The following CEP128 variants were observed in gnomAD, a reference collection of about 807,000 sequenced individuals.
CEP128 encodes centrosomal protein 128kDa.
A neutral mutation model predicts 156.7 loss-of-function variants in CEP128; 132 were observed. The ratio of observed to expected loss-of-function variants is 0.84; its 90% CI spans 0.73 to 0.97. The LOEUF (loss-of-function observed/expected upper bound fraction) is 0.97, where lower values mean the gene tolerates loss of function less well. Ranked by LOEUF, CEP128 falls within the 50% of genes least tolerant of loss-of-function variation. CEP128 has a pLI of 0.00. For missense variants in CEP128, 1,252 were observed against 1,281.9 expected, an observed-to-expected ratio of 0.98 and a Z score of 0.36; for synonymous variants, 469 against 448.9, an observed-to-expected ratio of 1.04 and a Z score of -0.57.
At position 80,663,497 on chromosome 14, in the gene CEP128, T is replaced by C. The variant is rs556494858; in HGVS notation, c.2806+79578A>G. On this transcript the variant is annotated intron_variant, in intron 19 of 24. Transcript: ENST00000555265. ...TGCCAGATAGGATATAAAATGACCC[T>C]AGATCTGATAATTTGCTATTTTCCA... 2.8e-3 allele frequency among the ~76,000 whole-genome samples: 419 copies of C among 152,312 alleles called. 1 individual carries two copies. Among genetic ancestry groups the C allele is most frequent in the Middle Eastern group, 6.8e-3 (2 of 294 alleles).
intron 19 of CEP128, among the ~76,000 whole-genome samples, chr14:80,618,592 G>T (rs1893330097): frequency 6.6e-6 from 1 of 152,198 alleles, no homozygotes; most frequent in Non-Finnish European, 1.5e-5. Context: ...ATGGAAACAG[G>T]ACTGGGGAAG....
intron 24 of CEP128, among the ~76,000 whole-genome samples, chr14:80,497,821 A>G (rs4903917): frequency 0.78 from 119,227 of 152,200 alleles, 49,075 homozygotes; most frequent in Middle Eastern, 0.9. Context: ...AGAGTAAAAA[A>G]TGTGTGCTTC....
intron 21 of CEP128, among the ~76,000 whole-genome samples, chr14:80,557,449 G>A (rs1295536605): frequency 2.0e-5 from 3 of 152,026 alleles, no homozygotes; most frequent in South Asian, 2.1e-4. Context: ...TTGCATAAGC[G>A]GCATTTTGTA....
intron 19 of CEP128, among the ~76,000 whole-genome samples, chr14:80,615,898 A>G (rs1422884019): frequency 6.6e-6 from 1 of 151,570 alleles, no homozygotes; most frequent in African/African-American, 2.4e-5. Flanking sequence ...TAAATAAGTG[A>G]CAGCAGCAGA....
At position 80,630,389 on chromosome 14, in the gene CEP128, T is replaced by C. The variant is rs113557540; in HGVS notation, c.2807-49966A>G. Among the ~76,000 whole-genome samples, 809 of 152,122 alleles carry C rather than the reference T, an allele frequency of 5.3e-3. 5 individuals carry two copies. The highest frequency in any genetic ancestry group is 0.018 in the African/African-American group (755 of 41,554). ...AGTAGTATGATGATGTGGCATAATA[T>C]TTCATATTTAAAATTTTATAGGCAT... On this transcript the variant is annotated intron_variant, in intron 19 of 24. Transcript: ENST00000555265.
At chr14:80,674,603 A>C (rs1284471596) in intron 19 of CEP128, among the ~76,000 whole-genome samples, 2 of 152,194 alleles carry the variant, frequency 1.3e-5, no homozygotes, top group East Asian at 1.9e-4. Context: ...GTCTTAAATG[A>C]AGAAAAATGT....
intron 7 of CEP128, among the ~76,000 whole-genome samples, chr14:80,896,317 G>A (rs568510999): frequency 5.9e-5 from 9 of 152,028 alleles, no homozygotes; most frequent in Non-Finnish European, 7.4e-5. Context: ...CAAACAAATC[G>A]TACAGAAAGA....
chr14:80,700,563 T>A (rs73336511), intron 19 of CEP128, among the ~76,000 whole-genome samples: 3,103 of 152,266 alleles, frequency 0.02, 102 homozygotes, highest in African/African-American at 0.07. Flanking sequence ...CCATATATGT[T>A]ATGCTTAAAT....
chr14:80,509,508 TG>T (rs1888144955), intron 23 of CEP128, among the ~76,000 whole-genome samples: 1 of 152,214 alleles, frequency 6.6e-6, no homozygotes, highest in Admixed American at 6.5e-5. Flanking sequence ...CCTATGGAGT[TG>T]TTTGAGTTCC....
intron 19 of CEP128, among the ~76,000 whole-genome samples, chr14:80,629,445 C>T (rs939545289): frequency 6.6e-6 from 1 of 151,730 alleles, no homozygotes; most frequent in South Asian, 2.1e-4. Flanking sequence ...ATGAAAATGA[C>T]AAAAAGTTCC....
intron 6 of CEP128, among the ~76,000 whole-genome samples, chr14:80,903,870 G>A (rs192011854): frequency 1.9e-4 from 29 of 152,044 alleles, no homozygotes; most frequent in Non-Finnish European, 3.7e-4. Flanking sequence ...ATGAAGGAAA[G>A]GGACCCCTTG....
intron 19 of CEP128, among the ~76,000 whole-genome samples, chr14:80,609,007 G>A (rs1289159739): frequency 1.3e-5 from 2 of 152,140 alleles, no homozygotes; most frequent in African/African-American, 4.8e-5. Flanking sequence ...TATTAAAAAT[G>A]TATATTGAAG....
At position 80,805,704 on chromosome 14, in the gene CEP128, T is replaced by C. The variant is rs562859591; in HGVS notation, c.1210-12594A>G. Among the ~76,000 whole-genome samples the C allele has an allele frequency of 2.6e-5, 4 of 152,312 alleles. No homozygotes were observed. In the East Asian group the frequency reaches 7.7e-4, roughly 29 times the overall value. ...ATTTCAGTATAATTTGAGTGTTTCA[T>C]GAACTGATACTGAGAGCACAAGTAA... On this transcript the variant is annotated intron_variant, in intron 13 of 24. Coordinates refer to ENST00000555265, the MANE Select transcript of CEP128 (RefSeq NM_152446.5).
intron 19 of CEP128, among the ~76,000 whole-genome samples, chr14:80,640,093 G>C (rs1285435155): frequency 6.6e-6 from 1 of 152,020 alleles, no homozygotes; most frequent in African/African-American, 2.4e-5. Flanking sequence ...TTCAGTAATG[G>C]AACTTATTGT....
At chr14:80,676,059 T>C (rs892406902) in intron 19 of CEP128, among the ~76,000 whole-genome samples, 16 of 152,164 alleles carry the variant, frequency 1.1e-4, no homozygotes, top group Non-Finnish European at 1.6e-4. Flanking sequence ...CTAAATATTT[T>C]AGAACCAGTG....
At chr14:80,676,292 A>G (rs1313987437) in intron 19 of CEP128, among the ~76,000 whole-genome samples, 2 of 152,068 alleles carry the variant, frequency 1.3e-5, no homozygotes, top group African/African-American at 2.4e-5. Flanking sequence ...AATACCTTCC[A>G]TGGTACTTTA....
At chr14:80,694,333 A>G (rs1896816579) in intron 19 of CEP128, among the ~76,000 whole-genome samples, 2 of 152,176 alleles carry the variant, frequency 1.3e-5, no homozygotes, top group Non-Finnish European at 2.9e-5. Flanking sequence ...TTTGTGGAGG[A>G]CAGTGTGGCA....
At chr14:80,615,949 G>A (rs1241810437) in intron 19 of CEP128, among the ~76,000 whole-genome samples, 4 of 152,178 alleles carry the variant, frequency 2.6e-5, no homozygotes, top group Admixed American at 1.3e-4. Flanking sequence ...AGATTGTCTC[G>A]ATTTATATCA....
intron 15 of CEP128, among the ~76,000 whole-genome samples, chr14:80,784,203 T>C (rs900251518): frequency 1.3e-5 from 2 of 150,984 alleles, no homozygotes; most frequent in African/African-American, 4.9e-5. Flanking sequence ...AAAATCCCTA[T>C]CCTCAGAGAG....
Sources: gnomAD v4.1 joint callset for allele counts (sites outside exome capture counted in the v4.1 genomes callset) on GRCh38, gnomAD v4.1.1 for gene constraint, MANE v1.5 for transcripts, NCBI Gene and HGNC (gene_info 2026-07-23, HGNC 2026-07-21) for gene names.